CES5A: variants seen among roughly 807,000 people sequenced by gnomAD.
CES5A encodes carboxylesterase 5.
In CES5A, 67 loss-of-function variants were observed where a neutral mutation model predicts 62.9. The ratio of observed to expected loss-of-function variants is 1.07; its 90% CI spans 0.88 to 1.31. The LOEUF (loss-of-function observed/expected upper bound fraction) is 1.31, where lower values mean the gene tolerates loss of function less well. CES5A is among the 50% of genes most tolerant of loss of function. The pLI is 0.00. For synonymous variants in CES5A, 296 were observed against 280.8 expected, an observed-to-expected ratio of 1.05 and a Z score of -0.54; for missense variants, 748 against 708.5, an observed-to-expected ratio of 1.06 and a Z score of -0.63.
intron 5 of CES5A, 147 bp from the exon 6 acceptor site, chr16:55,863,599 G>C: frequency 1.6e-6 from 1 of 606,206 alleles, no homozygotes; most frequent in East Asian, 2.8e-5. Flanking sequence ...GGGGTTAAAG[G>C]ACTAGCTGTG....
intron 2 of CES5A, among the ~76,000 whole-genome samples, chr16:55,941,674 G>C (rs1187734392): frequency 6.6e-6 from 1 of 151,954 alleles, no homozygotes; most frequent in Non-Finnish European, 1.5e-5. Flanking sequence ...TTTTGAAAAA[G>C]GAATTACAAA....
intron 1 of CES5A, among the ~76,000 whole-genome samples, chr16:55,898,498 C>T (rs1390686485): frequency 6.6e-6 from 1 of 152,066 alleles, no homozygotes; most frequent in Non-Finnish European, 1.5e-5. Flanking sequence ...CTGAAGAGAC[C>T]TTTAAAAAGG....
chr16:55,865,918 C>A (rs780501360), intron 5 of CES5A, 45 bp downstream of exon 5: 3 of 1,608,838 alleles, frequency 1.9e-6, no homozygotes, highest in African/African-American at 2.7e-5. Flanking sequence ...ATTTTTGGAA[C>A]CTCCGGCACT....
chr16:55,852,556 G>A (rs116809797), intron 10 of CES5A, among the ~76,000 whole-genome samples: 392 of 152,238 alleles, frequency 2.6e-3, no homozygotes, highest in South Asian at 0.023. Context: ...CCATTACTAC[G>A]TATGGCTAAG....
At chr16:55,896,972 T>C (rs1420533373) in intron 1 of CES5A, among the ~76,000 whole-genome samples, 4 of 152,182 alleles carry the variant, frequency 2.6e-5, no homozygotes, top group Non-Finnish European at 5.9e-5. Context: ...TCCTAAGGAA[T>C]GGATTCACAA....
At chr16:55,920,477 C>A (rs1276699995) in intron 1 of CES5A, among the ~76,000 whole-genome samples, 2 of 152,200 alleles carry the variant, frequency 1.3e-5, no homozygotes, top group African/African-American at 4.8e-5. Flanking sequence ...GAATCCCTAG[C>A]CAGCTGTCTC....
At chr16:55,942,057 A>C (rs1228439676) in intron 2 of CES5A, among the ~76,000 whole-genome samples, 1 of 152,224 alleles carries the variant, frequency 6.6e-6, no homozygotes, top group Non-Finnish European at 1.5e-5. Context: ...CTCTATCTTC[A>C]TTCCATACAC....
At chr16:55,866,206 G>A in intron 4 of CES5A, 90 bp from the exon 5 acceptor site, 5 of 1,320,380 alleles carry the variant, frequency 3.8e-6, no homozygotes, top group East Asian at 2.4e-5. Context: ...TGTGGGCAGG[G>A]GTCAGTGGGG....
chr16:55,938,295 C>T (rs1386892210), intron 2 of CES5A, among the ~76,000 whole-genome samples: 2 of 152,158 alleles, frequency 1.3e-5, no homozygotes, highest in African/African-American at 4.8e-5. Context: ...TGGCTCCATA[C>T]TGAGACCCAG....
Position 55,913,643 on chromosome 16 carries a change from GTCAGTTAGATCTGATTTCTT to G in CES5A, c.-256+11660_-256+11679del, listed in dbSNP as rs1194203307. Among the ~76,000 whole-genome samples the G allele has an allele frequency of 2.0e-5, 3 of 152,168 alleles. No individual in the cohort carries two copies. In the East Asian group the frequency reaches 5.8e-4, roughly 29 times the overall value. On this transcript the variant is annotated intron_variant, in intron 1 of 12. Coordinates refer to the CES5A transcript ENST00000518005. ...GCTTAAAGGTTAGAAGCAAGATGGA[GTCAGTTAGATCTGATTTCTT>G]TCACTGTTATAATTTCCTCAGTTAT...
At chr16:55,851,309 A>G (rs1470737007) in intron 10 of CES5A, among the ~76,000 whole-genome samples, 1 of 152,176 alleles carries the variant, frequency 6.6e-6, no homozygotes, top group Non-Finnish European at 1.5e-5. Context: ...ACAAAAAACA[A>G]CTCAATTCAA....
chr16:55,955,598 T>A (rs1198650154), intron 1 of CES5A, among the ~76,000 whole-genome samples: 1 of 152,222 alleles, frequency 6.6e-6, no homozygotes, highest in East Asian at 1.9e-4. Flanking sequence ...GATACCAGTA[T>A]GGCCTCTCTA....
chr16:55,933,479 C>A (rs558242454), intron 2 of CES5A, among the ~76,000 whole-genome samples: 9 of 152,182 alleles, frequency 5.9e-5, no homozygotes, highest in African/African-American at 2.2e-4. Context: ...TAACATATCC[C>A]AAACTAAACT....
At chr16:55,899,843 C>T (rs2033972565) in intron 1 of CES5A, among the ~76,000 whole-genome samples, 2 of 152,154 alleles carry the variant, frequency 1.3e-5, no homozygotes, top group East Asian at 3.9e-4. Flanking sequence ...AAACCCTTGG[C>T]TAAACATATG....
At chr16:55,909,570 G>GCACACA (rs34468527) in intron 1 of CES5A, among the ~76,000 whole-genome samples, 4,275 of 150,074 alleles carry the variant, frequency 0.028, 131 homozygotes, top group East Asian at 0.096. Context: ...GTGCGCACGT[G>GCACACA]CACACACACA....
intron 1 of CES5A, among the ~76,000 whole-genome samples, chr16:55,896,857 A>G (rs1215509790): frequency 6.6e-6 from 1 of 152,226 alleles, no homozygotes; most frequent in Admixed American, 6.5e-5. Flanking sequence ...ATCTTGTGTA[A>G]GGCCCTGAAT....
In CES5A at chr16:55,884,166, C is replaced by T. The variant is rs78520012; in HGVS notation, c.-255-10129G>A. On this transcript the variant is annotated intron_variant, in intron 1 of 12. Coordinates refer to the CES5A transcript ENST00000518005. ...AGGATCTGGCCACCTTTTCATTCAG[C>T]GGTTTCAAGATCTGACAATTGCCAC... Among the ~76,000 whole-genome samples the T allele has an allele frequency of 3.3e-4, 51 of 152,328 alleles. 1 individual carries two copies. In the East Asian group the frequency reaches 8.5e-3, roughly 25 times the overall value.
intron 1 of CES5A, among the ~76,000 whole-genome samples, chr16:55,901,231 T>C (rs1380202701): frequency 2.0e-5 from 3 of 152,222 alleles, no homozygotes; most frequent in African/African-American, 7.2e-5. Context: ...ATGTAAGACA[T>C]GACTTTGCCA....
intron 7 of CES5A, 113 bp from the exon 8 acceptor site, chr16:55,859,800 A>C (rs2033316610): frequency 3.3e-6 from 3 of 897,250 alleles, no homozygotes; most frequent in Non-Finnish European, 5.1e-6. Flanking sequence ...CACTGGCTTA[A>C]ATGCACTTAA....
Sources: allele counts gnomAD v4.1 joint callset (sites outside exome capture counted in the v4.1 genomes callset), GRCh38; gene constraint gnomAD v4.1.1; transcripts MANE v1.5; gene names NCBI Gene and HGNC (gene_info 2026-07-23, HGNC 2026-07-21).